The following TTC28 variants were observed in gnomAD, a reference collection of about 807,000 sequenced individuals.
The protein encoded by TTC28 is tetratricopeptide repeat domain 28, also known as tetratricopeptide repeat protein 28.
TTC28 carries 61 observed loss-of-function variants against 198.0 expected under a neutral mutation model. The observed-to-expected ratio is 0.31, with a 90% confidence interval of 0.25 to 0.38. The LOEUF (loss-of-function observed/expected upper bound fraction) is 0.38, where lower values mean the gene tolerates loss of function less well. TTC28 is among the 10% of genes least tolerant of loss of function. The pLI, the probability that TTC28 is intolerant of heterozygous loss-of-function variation, is 1.00. For missense variants in TTC28, 2,678 were observed against 3,164.0 expected (o/e 0.85, Z 3.69); for synonymous variants, 1,171 against 1,297.8 (o/e 0.90, Z 2.10).
intron 6 of TTC28, among the ~76,000 whole-genome samples, chr22:28,133,967 C>T (rs188469222): frequency 1.6e-4 from 24 of 152,346 alleles, no homozygotes; most frequent in East Asian, 5.8e-4. Flanking sequence ...CCCTAGTAGG[C>T]GCAGACTAAC....
intron 11 of TTC28, among the ~76,000 whole-genome samples, chr22:28,095,856 A>C (rs1941955375): frequency 6.6e-6 from 1 of 152,202 alleles, no homozygotes; most frequent in African/African-American, 2.4e-5. Flanking sequence ...AGAATTCGTT[A>C]GGACTTGCAG....
intron 2 of TTC28, among the ~76,000 whole-genome samples, chr22:28,392,443 C>T (rs1316606372): frequency 1.3e-5 from 2 of 152,214 alleles, no homozygotes; most frequent in Non-Finnish European, 2.9e-5. Flanking sequence ...CCCCCAGCCT[C>T]GCTGCCGCCT....
chr22:28,395,559 G>A (rs1005109501), intron 2 of TTC28, among the ~76,000 whole-genome samples: 1 of 150,346 alleles, frequency 6.7e-6, no homozygotes, highest in Non-Finnish European at 1.5e-5. Flanking sequence ...ATAAACCCAG[G>A]AGGCAGAGCT....
chr22:28,119,248 T>C (rs1025879304), intron 6 of TTC28, among the ~76,000 whole-genome samples: 7 of 152,230 alleles, frequency 4.6e-5, no homozygotes, highest in African/African-American at 1.7e-4. Flanking sequence ...AGAAGGCTAT[T>C]ATGAAGATCA....
chr22:28,341,454 C>T (rs2045827829), intron 2 of TTC28, among the ~76,000 whole-genome samples: 1 of 152,058 alleles, frequency 6.6e-6, no homozygotes, highest in South Asian at 2.1e-4. Flanking sequence ...GAATTTGAGA[C>T]CAGCCTGGGC....
chr22:28,528,455 C>G (rs1470312363), intron 2 of TTC28, among the ~76,000 whole-genome samples: 1 of 151,826 alleles, frequency 6.6e-6, no homozygotes, highest in Non-Finnish European at 1.5e-5. Context: ...GTAGGCCAGG[C>G]ACAGTGGCTC....
In TTC28 at chr22:28,305,626, A is replaced by G. The variant is rs1453086068; in HGVS notation, c.529+870T>C. 2.0e-5 allele frequency among the ~76,000 whole-genome samples: 3 copies of G among 152,168 alleles called. No individual in the cohort carries two copies. In the East Asian group the frequency reaches 5.8e-4, roughly 29 times the overall value. ...TCATTTTTCCATATGAAAAATTCAAAAACATACCACTTCAGACTGAAAAAC... is the reference window on the plus strand; with the variant it reads ...TCATTTTTCCATATGAAAAATTCAAGAACATACCACTTCAGACTGAAAAAC... On this transcript the variant is annotated intron_variant, in intron 3 of 22. Transcript: ENST00000397906.
intron 6 of TTC28, among the ~76,000 whole-genome samples, chr22:28,109,174 A>G (rs1312400564): frequency 6.6e-6 from 1 of 152,250 alleles, no homozygotes; most frequent in Non-Finnish European, 1.5e-5. Context: ...GGCACCATAA[A>G]CTACTGGAAA....
intron 5 of TTC28, among the ~76,000 whole-genome samples, chr22:28,278,386 T>C (rs1032180262): frequency 1.3e-5 from 2 of 152,220 alleles, no homozygotes; most frequent in African/African-American, 4.8e-5. Context: ...GTTAATATTC[T>C]ATAAATTGTA....
At chr22:28,509,801 GAGA>G (rs1006954168) in intron 2 of TTC28, among the ~76,000 whole-genome samples, 177 of 151,808 alleles carry the variant, frequency 1.2e-3, no homozygotes, top group African/African-American at 4.0e-3. Flanking sequence ...TAATAAAAGA[GAGA>G]AGAATCAAAT....
chr22:28,016,831 C>G (rs1385065462), intron 13 of TTC28, among the ~76,000 whole-genome samples: 1 of 152,232 alleles, frequency 6.6e-6, no homozygotes, highest in Non-Finnish European at 1.5e-5. Context: ...CTTACTCCAA[C>G]AAATCAGAAC....
chr22:28,274,643 CA>C (rs1322272155), intron 5 of TTC28, among the ~76,000 whole-genome samples: 2 of 151,798 alleles, frequency 1.3e-5, no homozygotes, highest in African/African-American at 4.8e-5. Context: ...TAAGAGTGAC[CA>C]AAAAAGAAGT....
At chr22:28,535,977 G>A (rs954554512) in intron 2 of TTC28, among the ~76,000 whole-genome samples, 3 of 151,838 alleles carry the variant, frequency 2.0e-5, no homozygotes, top group Non-Finnish European at 4.4e-5. Context: ...TTGGGAGGCC[G>A]AGGCGGGCAG....
At chr22:28,312,755 A>G (rs2045286027) in intron 2 of TTC28, among the ~76,000 whole-genome samples, 1 of 152,230 alleles carries the variant, frequency 6.6e-6, no homozygotes, top group Non-Finnish European at 1.5e-5. Flanking sequence ...CACAAGAGAA[A>G]GCAGGAGAGA....
intron 2 of TTC28, among the ~76,000 whole-genome samples, chr22:28,482,113 T>C (rs2048254692): frequency 1.3e-5 from 2 of 151,476 alleles, no homozygotes; most frequent in African/African-American, 4.8e-5. Flanking sequence ...TCTTCTCCCA[T>C]ATGAATCAAC....
At chr22:28,218,715 A>G (rs1418661326) in intron 5 of TTC28, among the ~76,000 whole-genome samples, 1 of 152,220 alleles carries the variant, frequency 6.6e-6, no homozygotes, top group Non-Finnish European at 1.5e-5. Context: ...AATACTAAAA[A>G]GATCTACTCA....
chr22:28,519,395 T>C (rs2048854409), intron 2 of TTC28, among the ~76,000 whole-genome samples: 3 of 152,110 alleles, frequency 2.0e-5, no homozygotes, highest in Non-Finnish European at 4.4e-5. Flanking sequence ...GACTAACAAA[T>C]GGTTTGCAGG....
chr22:28,183,951 CT>C, intron 5 of TTC28, among the ~76,000 whole-genome samples: 1 of 152,236 alleles, frequency 6.6e-6, no homozygotes, highest in East Asian at 1.9e-4. Context: ...TTCAATTAAA[CT>C]TTAGTAACTT....
chr22:28,473,329 T>G (rs1383400816), intron 2 of TTC28, among the ~76,000 whole-genome samples: 1 of 152,144 alleles, frequency 6.6e-6, no homozygotes, highest in Non-Finnish European at 1.5e-5. Flanking sequence ...GAGGTCATAT[T>G]GAGATAGGAA....
Sources: gnomAD v4.1 joint callset for allele counts (sites outside exome capture counted in the v4.1 genomes callset) on GRCh38, gnomAD v4.1.1 for gene constraint, MANE v1.5 for transcripts, NCBI Gene and HGNC (gene_info 2026-07-23, HGNC 2026-07-21) for gene names.